Variants in JMJD1C observed in about 807,000 individuals in gnomAD.
JMJD1C encodes jumonji domain containing 1C.
In JMJD1C, 31 loss-of-function variants were observed where a neutral mutation model predicts 245.3. The observed-to-expected ratio is 0.13, with a 90% CI of 0.09 to 0.17. The LOEUF is 0.17. JMJD1C is among the 10% of genes least tolerant of loss of function. The pLI is 1.00. For missense variants in JMJD1C, 2,691 were observed against 3,000.2 expected (o/e 0.90, Z 2.41); for synonymous variants, 1,057 against 1,017.4 (o/e 1.04, Z -0.74).
At chr10:63,450,030 T>C (rs1323530010) in intron 1 of JMJD1C, among the ~76,000 whole-genome samples, 1 of 152,052 alleles carries the variant, frequency 6.6e-6, no homozygotes, top group East Asian at 1.9e-4. Context: ...GGAGGCTCAC[T>C]TGGGCCCAGG....
chr10:63,173,832 C>A (rs914736199), intron 24 of JMJD1C, among the ~76,000 whole-genome samples: 12 of 151,796 alleles, frequency 7.9e-5, no homozygotes, highest in African/African-American at 2.9e-4. Flanking sequence ...CAGAAATTGG[C>A]AAAAAACACT....
intron 2 of JMJD1C, among the ~76,000 whole-genome samples, chr10:63,348,694 G>C (rs1477106942): frequency 6.6e-6 from 1 of 152,204 alleles, no homozygotes; most frequent in Non-Finnish European, 1.5e-5. Flanking sequence ...CCCATTGTTA[G>C]AGGTGGGGTC....
At chr10:63,182,788 C>CA (rs1485984741) in intron 22 of JMJD1C, among the ~76,000 whole-genome samples, 3 of 152,176 alleles carry the variant, frequency 2.0e-5, no homozygotes, top group Admixed American at 1.3e-4. Context: ...GTTTGAGTCA[C>CA]AAACCATATT....
chr10:63,512,546 G>A (rs532794260), intron 1 of JMJD1C, among the ~76,000 whole-genome samples: 36 of 152,234 alleles, frequency 2.4e-4, no homozygotes, highest in Admixed American at 1.0e-3. Flanking sequence ...TGATTTCTGA[G>A]AAGTTGGATG....
chr10:63,513,346 A>G (rs1274653160), intron 1 of JMJD1C, among the ~76,000 whole-genome samples: 2 of 152,300 alleles, frequency 1.3e-5, no homozygotes, highest in South Asian at 2.1e-4. Context: ...ACCTCAAACT[A>G]TAAGAATCCT....
intron 1 of JMJD1C, chr10:63,521,609 C>G: frequency 7.2e-7 from 1 of 1,385,342 alleles, no homozygotes; most frequent in Non-Finnish European, 9.5e-7. Flanking sequence ...CTGCAGCCGG[C>G]GCGAGGCCCA....
intron 1 of JMJD1C, among the ~76,000 whole-genome samples, chr10:63,507,591 G>A (rs1389280794): frequency 7.8e-6 from 1 of 127,842 alleles, no homozygotes; most frequent in Non-Finnish European, 1.6e-5. Flanking sequence ...GTTGTAGTGA[G>A]CTGAGATTGC....
At chr10:63,252,096 G>A (rs548909713) in intron 3 of JMJD1C, among the ~76,000 whole-genome samples, 1 of 152,174 alleles carries the variant, frequency 6.6e-6, no homozygotes, top group Non-Finnish European at 1.5e-5. Flanking sequence ...GGCTGAAAGG[G>A]GATGGGAAAT....
chr10:63,332,715 T>C (rs1942289887), intron 2 of JMJD1C, among the ~76,000 whole-genome samples: 1 of 152,232 alleles, frequency 6.6e-6, no homozygotes, highest in South Asian at 2.1e-4. Flanking sequence ...GTAATAATCA[T>C]CTCTATGTTC....
At chr10:63,422,143 G>T (rs556120142) in intron 1 of JMJD1C, among the ~76,000 whole-genome samples, 2 of 152,140 alleles carry the variant, frequency 1.3e-5, no homozygotes, top group Non-Finnish European at 2.9e-5. Flanking sequence ...TGGGCGCAGC[G>T]GCTCACACTT....
At chr10:63,330,195 C>A (rs966385872) in intron 2 of JMJD1C, among the ~76,000 whole-genome samples, 2 of 152,218 alleles carry the variant, frequency 1.3e-5, no homozygotes, top group African/African-American at 4.8e-5. Flanking sequence ...AGCCACCACA[C>A]CCGGCCCTAA....
At chr10:63,299,847 G>C (rs1284979178) in intron 2 of JMJD1C, among the ~76,000 whole-genome samples, 1 of 151,122 alleles carries the variant, frequency 6.6e-6, no homozygotes, top group Non-Finnish European at 1.5e-5. Context: ...GCAAGAAATA[G>C]TTAAAGCCTT....
intron 2 of JMJD1C, among the ~76,000 whole-genome samples, chr10:63,309,969 G>A (rs1160944788): frequency 6.6e-6 from 1 of 152,088 alleles, no homozygotes; most frequent in South Asian, 2.1e-4. Flanking sequence ...AAAGAGTTCA[G>A]CAAGCCTACT....
Position 63,206,765 on chromosome 10 carries a change from T to G in JMJD1C, c.4904A>C (p.Glu1635Ala). The change falls in exon 10 of 26, where the codon GAA becomes GCA. Residue 1635 changes from glutamate (E) to alanine (A), a missense_variant. Coordinates refer to ENST00000399262, the MANE Select transcript of JMJD1C (RefSeq NM_032776.3). ...GSESGDSDES[E>A]SKSEQRTKRQ... ...TTTAGTCCTTTGCTCTGACTTGCTT[T>G]CACTTTCATCTGAGTCTCCACTTTC... 6.2e-7 allele frequency: 1 copy of G among 1,611,286 alleles called. No individual in the cohort carries two copies. Among genetic ancestry groups the G allele is most frequent in the Non-Finnish European group, 8.5e-7 (1 of 1,179,388 alleles).
At chr10:63,446,367 G>A (rs977484658) in intron 1 of JMJD1C, among the ~76,000 whole-genome samples, 1 of 152,156 alleles carries the variant, frequency 6.6e-6, no homozygotes, top group African/African-American at 2.4e-5. Context: ...GACATATTAA[G>A]TCTGAGATGC....
At chr10:63,423,006 C>T (rs1365306654) in intron 1 of JMJD1C, among the ~76,000 whole-genome samples, 3 of 151,294 alleles carry the variant, frequency 2.0e-5, no homozygotes, top group African/African-American at 7.3e-5. Flanking sequence ...CTCTTGTCAC[C>T]CAGGCTGGAG....
chr10:63,478,956 C>A (rs887150921), intron 1 of JMJD1C, among the ~76,000 whole-genome samples: 1 of 152,080 alleles, frequency 6.6e-6, no homozygotes, highest in Admixed American at 6.5e-5. Context: ...CAGAATGAGA[C>A]CCTGTCTCAA....
At chr10:63,444,570 G>A (rs1362665984) in intron 1 of JMJD1C, among the ~76,000 whole-genome samples, 6 of 151,862 alleles carry the variant, frequency 4.0e-5, no homozygotes, top group South Asian at 2.1e-4. Flanking sequence ...CTCCGTACCC[G>A]GTGGACATTT....
At chr10:63,232,640 A>ATATAAGTAG (rs1481474902) in intron 3 of JMJD1C, among the ~76,000 whole-genome samples, 1 of 152,042 alleles carries the variant, frequency 6.6e-6, no homozygotes, top group East Asian at 1.9e-4. Context: ...TCCATTTGGC[A>ATATAAGTAG]TTGCTTGCAA....
Sources: allele counts gnomAD v4.1 joint callset (sites outside exome capture counted in the v4.1 genomes callset), GRCh38; gene constraint gnomAD v4.1.1; transcripts MANE v1.5; gene names NCBI Gene and HGNC (gene_info 2026-07-23, HGNC 2026-07-21).